LRRC8C: variants seen among roughly 807,000 people sequenced by gnomAD.
LRRC8C encodes volume-regulated anion channel subunit LRRC8C.
A neutral mutation model predicts 55.3 loss-of-function variants in LRRC8C; 20 were observed. That is an observed-to-expected ratio of 0.36 (90% CI 0.25 to 0.53). The LOEUF is 0.53. LRRC8C is among the 20% of genes least tolerant of loss of function. The pLI, the probability that LRRC8C is intolerant of heterozygous loss-of-function variation, is 0.92. For synonymous variants in LRRC8C, 376 were observed against 360.7 expected (o/e 1.04, Z -0.48); for missense variants, 659 against 951.4 (o/e 0.69, Z 4.04).
At chr1:89,711,621 G>A (rs1658651252) in intron 2 of LRRC8C, among the ~76,000 whole-genome samples, 2 of 152,164 alleles carry the variant, frequency 1.3e-5, no homozygotes, top group African/African-American at 2.4e-5. Context: ...TTTATTCAAT[G>A]TGTATTCTGT....
chr1:89,645,148 T>G (rs1441656523), intron 1 of LRRC8C, among the ~76,000 whole-genome samples: 1 of 151,976 alleles, frequency 6.6e-6, no homozygotes, highest in Admixed American at 6.6e-5. Context: ...GAAAAGAAAA[T>G]ATAGTCATAA....
At chr1:89,689,609 C>T (rs1657974789) in intron 2 of LRRC8C, among the ~76,000 whole-genome samples, 1 of 152,006 alleles carries the variant, frequency 6.6e-6, no homozygotes, top group Non-Finnish European at 1.5e-5. Context: ...GAAAACCCAC[C>T]AAGATTTGCT....
At chr1:89,647,911 T>C (rs983288310) in intron 1 of LRRC8C, among the ~76,000 whole-genome samples, 8 of 151,988 alleles carry the variant, frequency 5.3e-5, no homozygotes, top group Non-Finnish European at 1.0e-4. Context: ...AAAATAAAAA[T>C]TAAAAAAATT....
Position 89,714,215 on chromosome 1 carries a change from A to C in LRRC8C, c.1645A>C (p.Ile549Leu), listed in dbSNP as rs758930604. Residue 549 changes from isoleucine to leucine, a missense_variant, in exon 3 of 3, where the codon ATC (isoleucine) becomes CTC (leucine). Coordinates refer to ENST00000370454, the MANE Select transcript of LRRC8C (RefSeq NM_032270.5). This position sits in a 1 kb window ranked among gnomAD's most constrained non-coding sequence, Gnocchi z 4.6. ...TCTCAAAAGCCTTAAAATTCTCTCT[A>C]TCAAAAGCAACGTTTCCAAAATCCC... ...RDLKSLKILS[I>L]KSNVSKIPQA... 1.2e-6 allele frequency: 2 copies of C among 1,614,062 alleles called. No homozygotes were observed. The highest frequency in any genetic ancestry group is 1.7e-6 in the Non-Finnish European group (2 of 1,180,008).
intron 1 of LRRC8C, among the ~76,000 whole-genome samples, chr1:89,685,101 C>CTTTTTTTTTTTTT (rs11316114): frequency 1.3e-5 from 1 of 76,164 alleles, no homozygotes; most frequent in Non-Finnish European, 2.3e-5. Flanking sequence ...CTATCTAGTT[C>CTTTTTTTTTTTTT]TTTTTTTTTT....
chr1:89,658,478 C>G (rs1451192504), intron 1 of LRRC8C, among the ~76,000 whole-genome samples: 1 of 152,066 alleles, frequency 6.6e-6, no homozygotes, highest in African/African-American at 2.4e-5. Context: ...ACATCTCAGA[C>G]GCCAAGGCAT....
chr1:89,711,982 T>C (rs1294785039), intron 2 of LRRC8C, among the ~76,000 whole-genome samples: 4 of 152,226 alleles, frequency 2.6e-5, no homozygotes, highest in African/African-American at 9.6e-5. Flanking sequence ...TCATAGTTCC[T>C]CCTTCTTATC....
chr1:89,673,681 G>A (rs12090187), intron 1 of LRRC8C, among the ~76,000 whole-genome samples: 1,772 of 152,054 alleles, frequency 0.012, 37 homozygotes, highest in African/African-American at 0.04. Flanking sequence ...AATATATATT[G>A]AGCACCTACT....
intron 1 of LRRC8C, among the ~76,000 whole-genome samples, chr1:89,658,779 A>G (rs1177985193): frequency 6.6e-6 from 1 of 152,222 alleles, no homozygotes; most frequent in African/African-American, 2.4e-5. Context: ...AGGGAAATGA[A>G]CTACCTGTAC....
intron 2 of LRRC8C, among the ~76,000 whole-genome samples, chr1:89,701,911 G>T (rs1049429515): frequency 5.9e-5 from 9 of 152,128 alleles, no homozygotes; most frequent in Non-Finnish European, 1.0e-4. Context: ...GCAGCCAGGA[G>T]CTCAGCTCCT....
intron 2 of LRRC8C, among the ~76,000 whole-genome samples, chr1:89,691,854 T>C (rs1236334341): frequency 4.6e-5 from 7 of 152,142 alleles, no homozygotes; most frequent in Non-Finnish European, 8.8e-5. Flanking sequence ...TACAAAATGA[T>C]AAAAAGAGAA....
chr1:89,682,972 A>G (rs1657763511), intron 1 of LRRC8C, among the ~76,000 whole-genome samples: 1 of 152,220 alleles, frequency 6.6e-6, no homozygotes, highest in East Asian at 1.9e-4. Flanking sequence ...TATATCCTCA[A>G]AATGAATGAA....
chr1:89,638,200 G>C (rs535659079), intron 1 of LRRC8C, among the ~76,000 whole-genome samples: 1 of 152,274 alleles, frequency 6.6e-6, no homozygotes, highest in South Asian at 2.1e-4. Flanking sequence ...TACCAGAAGA[G>C]GTTGTGAAGG....
rs1185079610 is a variant in LRRC8C at position 89,686,526 on chromosome 1, G to C, written c.53G>C (p.Arg18Pro). 1 of 1,614,044 alleles carries C rather than the reference G, an allele frequency of 6.2e-7. No individual in the cohort carries two copies. The highest frequency in any genetic ancestry group is 1.7e-5 in the Admixed American group (1 of 60,006). The change falls in exon 2 of 3, where the codon CGA becomes CCA. Residue 18 changes from arginine to proline, a missense_variant. Transcript: ENST00000370454. ...TTCTCTGAGCAGCAGCCTGCCTTCC[G>C]AGTGCTGAAGCCATGGTGGGATGTG... ...RQFSEQQPAF[R>P]VLKPWWDVFT...
intron 1 of LRRC8C, among the ~76,000 whole-genome samples, chr1:89,662,251 G>T (rs1226745146): frequency 1.3e-5 from 2 of 152,238 alleles, no homozygotes; most frequent in Non-Finnish European, 2.9e-5. Context: ...CAAGTGGTCT[G>T]CAGGCCACAG....
intron 2 of LRRC8C, among the ~76,000 whole-genome samples, chr1:89,693,557 T>A (rs1221364631): frequency 2.7e-5 from 4 of 150,436 alleles, no homozygotes; most frequent in African/African-American, 9.8e-5. Context: ...ACTGATTACA[T>A]CAGAATACTG....
intron 2 of LRRC8C, among the ~76,000 whole-genome samples, chr1:89,705,593 A>G (rs1387089364): frequency 6.6e-6 from 1 of 151,988 alleles, no homozygotes; most frequent in Non-Finnish European, 1.5e-5. Context: ...CAGCCTGGGC[A>G]ACATGGTAAA....
chr1:89,659,103 G>C (rs12082342), intron 1 of LRRC8C, among the ~76,000 whole-genome samples: 3,601 of 133,242 alleles, frequency 0.027, 279 homozygotes, highest in African/African-American at 0.099. Context: ...GTGTGTGTGT[G>C]TGTGTCTGTG....
the LRRC8C span, among the ~76,000 whole-genome samples, chr1:89,624,376 T>TA: frequency 1.4e-4 from 22 of 152,352 alleles, no homozygotes; most frequent in African/African-American, 4.8e-4. Context: ...TCACCAATAA[T>TA]AGACTATTCT....
Sources: allele counts gnomAD v4.1 joint callset (sites outside exome capture counted in the v4.1 genomes callset), GRCh38; gene constraint gnomAD v4.1.1; non-coding constraint Gnocchi (gnomAD v3.1); transcripts MANE v1.5; gene names NCBI Gene and HGNC (gene_info 2026-07-23, HGNC 2026-07-21).